Variants in OSBPL11 observed in about 807,000 individuals in gnomAD.
The protein encoded by OSBPL11 is oxysterol-binding protein-related protein 11.
Under a neutral mutation model 84.4 loss-of-function variants are expected in OSBPL11, and 33 were observed. That is an observed-to-expected ratio of 0.39 (90% CI 0.30 to 0.52). The LOEUF is 0.52. OSBPL11 is among the 20% of genes least tolerant of loss of function. The pLI is 0.72. For synonymous variants in OSBPL11, 276 were observed against 310.2 expected (o/e 0.89, Z 1.16); for missense variants, 736 against 901.1 (o/e 0.82, Z 2.35).
intron 7 of OSBPL11, 39 bp from the exon 8 acceptor site, chr3:125,560,558 AC>A (rs774698998): frequency 6.7e-7 from 1 of 1,485,398 alleles, no homozygotes; most frequent in South Asian, 1.4e-5. Flanking sequence ...TATTTTAACT[AC>A]CTATTCATAT....
At chr3:125,536,677 G>C (rs1258184659) in intron 11 of OSBPL11, among the ~76,000 whole-genome samples, 3 of 152,068 alleles carry the variant, frequency 2.0e-5, no homozygotes, top group Non-Finnish European at 4.4e-5. Context: ...ATTGAAATTA[G>C]AAGAACCATA....
At chr3:125,550,189 C>G (rs779247050) in intron 9 of OSBPL11, among the ~76,000 whole-genome samples, 1 of 151,788 alleles carries the variant, frequency 6.6e-6, no homozygotes. Flanking sequence ...GCTTGGGCAA[C>G]ATGGCAAAAA....
chr3:125,585,360 T>A (rs906436149), intron 1 of OSBPL11, among the ~76,000 whole-genome samples: 1 of 152,110 alleles, frequency 6.6e-6, no homozygotes, highest in Non-Finnish European at 1.5e-5. Context: ...GGTCTCAAAC[T>A]CCTAGCCTCA....
intron 3 of OSBPL11, 114 bp from the exon 4 acceptor site, chr3:125,579,153 G>C (rs1413769240): frequency 4.6e-6 from 3 of 651,484 alleles, no homozygotes; most frequent in East Asian, 3.3e-5. Flanking sequence ...ACTCTCACTA[G>C]AGCAAACTTC....
At chr3:125,533,800 A>G (rs933146023) in intron 11 of OSBPL11, among the ~76,000 whole-genome samples, 3 of 152,258 alleles carry the variant, frequency 2.0e-5, no homozygotes, top group Non-Finnish European at 2.9e-5. Context: ...GAAATATTCA[A>G]TTGTAATTGG....
intron 2 of OSBPL11, among the ~76,000 whole-genome samples, chr3:125,581,096 A>ATT (rs145570813): frequency 4.1e-5 from 6 of 146,740 alleles, no homozygotes; most frequent in African/African-American, 7.5e-5. Context: ...TAGTGTAATA[A>ATT]TTTTTTTTTT....
In OSBPL11 at chr3:125,563,851, A is replaced by T. The variant is rs762039889; in HGVS notation, c.869-8T>A. 1 of 1,609,538 alleles carries T rather than the reference A, an allele frequency of 6.2e-7. No homozygotes were observed. The highest frequency in any genetic ancestry group is 2.2e-5 in the East Asian group (1 of 44,866). ...ACCACTCGATTGTCGTTCCTGATGG[A>T]GTAAGAGAAAACTTTCGCTGAAACT... On this transcript the variant is annotated splice_polypyrimidine_tract_variant and splice_region_variant and intron_variant, in intron 6 of 12. Transcript: ENST00000296220.
chr3:125,531,167 T>C (rs1935549352), intron 12 of OSBPL11, among the ~76,000 whole-genome samples: 1 of 149,556 alleles, frequency 6.7e-6, no homozygotes, highest in African/African-American at 2.5e-5. Flanking sequence ...TTAGTAGAGA[T>C]GGGGGTTTCA....
At chr3:125,574,770 A>C (rs1043877025) in intron 5 of OSBPL11, among the ~76,000 whole-genome samples, 1 of 152,198 alleles carries the variant, frequency 6.6e-6, no homozygotes, top group African/African-American at 2.4e-5. Context: ...TATAATAATA[A>C]AATGGATCAA....
At chr3:125,543,357 C>T (rs1935762540) in intron 10 of OSBPL11, among the ~76,000 whole-genome samples, 1 of 151,460 alleles carries the variant, frequency 6.6e-6, no homozygotes. Flanking sequence ...GTCTTGAACT[C>T]CTGACCTCAG....
At chr3:125,592,998 T>C (rs1035640134) in intron 1 of OSBPL11, among the ~76,000 whole-genome samples, 1 of 152,148 alleles carries the variant, frequency 6.6e-6, no homozygotes, top group Non-Finnish European at 1.5e-5. Context: ...AAGAAAAAAC[T>C]CATTAGACTT....
intron 1 of OSBPL11, among the ~76,000 whole-genome samples, chr3:125,592,647 T>G (rs899271876): frequency 4.6e-5 from 7 of 152,224 alleles, no homozygotes; most frequent in African/African-American, 1.7e-4. Context: ...AAGGGAAATG[T>G]TTCATTGTAT....
At chr3:125,550,377 A>T (rs1057109528) in intron 9 of OSBPL11, among the ~76,000 whole-genome samples, 18 of 78,872 alleles carry the variant, frequency 2.3e-4, no homozygotes, top group African/African-American at 1.5e-3. Context: ...CGTGTCACAC[A>T]CACACACACA....
At chr3:125,547,653 C>A (rs1935839774) in intron 9 of OSBPL11, 61 bp from the exon 10 acceptor site, 4 of 1,317,426 alleles carry the variant, frequency 3.0e-6, no homozygotes, top group Non-Finnish European at 4.2e-6. Context: ...ATGAAACAAT[C>A]CATATTAATT....
intron 9 of OSBPL11, among the ~76,000 whole-genome samples, chr3:125,549,097 A>C (rs4679174): frequency 0.068 from 10,312 of 151,934 alleles, 469 homozygotes; most frequent in Non-Finnish European, 0.098. Context: ...CCTCAGCTCA[A>C]TGTAACTTCT....
At chr3:125,576,102 C>G in intron 5 of OSBPL11, 87 bp downstream of exon 5, 1 of 1,226,862 alleles carries the variant, frequency 8.2e-7, no homozygotes, top group South Asian at 1.3e-5. Context: ...CCCTTGAAGA[C>G]ACAAACAGTA....
chr3:125,543,722 G>A (rs1224148907), intron 10 of OSBPL11, among the ~76,000 whole-genome samples: 4 of 151,948 alleles, frequency 2.6e-5, no homozygotes, highest in South Asian at 2.1e-4. Flanking sequence ...CCAACATGGC[G>A]AAACCCCGTC....
At chr3:125,536,988 G>A (rs1215858808) in intron 11 of OSBPL11, among the ~76,000 whole-genome samples, 2 of 151,572 alleles carry the variant, frequency 1.3e-5, no homozygotes, top group South Asian at 2.1e-4. Flanking sequence ...GTGAAACCCC[G>A]TCTCTACTAC....
intron 5 of OSBPL11, among the ~76,000 whole-genome samples, chr3:125,569,813 T>C (rs1412837206): frequency 1.3e-5 from 2 of 152,198 alleles, no homozygotes; most frequent in East Asian, 1.9e-4. Flanking sequence ...AAAGCAGCCA[T>C]ACCCGAAGGA....
Sources: gnomAD v4.1 joint callset for allele counts (sites outside exome capture counted in the v4.1 genomes callset) on GRCh38, gnomAD v4.1.1 for gene constraint, MANE v1.5 for transcripts, NCBI Gene and HGNC (gene_info 2026-07-23, HGNC 2026-07-21) for gene names.